Variants in SBF2 observed in about 807,000 individuals in gnomAD.
SBF2 encodes myotubularin-related protein 13.
In SBF2, 112 loss-of-function variants were observed where a neutral mutation model predicts 225.2. The observed-to-expected ratio is 0.50, with a 90% CI of 0.43 to 0.58. SBF2 has a LOEUF of 0.58. Among genes scored for constraint, SBF2 ranks in the 20% least tolerant of loss-of-function variants. The probability of loss-of-function intolerance (pLI) is 0.00; values close to 1 mark genes in which losing one functional copy is unlikely to be tolerated. For missense variants in SBF2, 1,996 were observed against 2,206.2 expected (o/e 0.90, Z 1.91); for synonymous variants, 763 against 773.3 (o/e 0.99, Z 0.22).
intron 2 of SBF2, among the ~76,000 whole-genome samples, chr11:10,046,001 A>G (rs570622557): frequency 1.3e-5 from 2 of 152,356 alleles, no homozygotes; most frequent in African/African-American, 4.8e-5. Context: ...CTATAAAAAT[A>G]GCATATATAA....
intron 2 of SBF2, among the ~76,000 whole-genome samples, chr11:10,166,691 G>A (rs1278091275): frequency 6.6e-6 from 1 of 152,124 alleles, no homozygotes; most frequent in African/African-American, 2.4e-5. Context: ...AGCTGGGCAT[G>A]GTGGCTCATT....
At chr11:10,281,348 G>A (rs1339680937) in intron 1 of SBF2, among the ~76,000 whole-genome samples, 1 of 151,982 alleles carries the variant, frequency 6.6e-6, no homozygotes, top group East Asian at 1.9e-4. Context: ...GCCAGTCTTA[G>A]GAAAAAGAAA....
intron 2 of SBF2, among the ~76,000 whole-genome samples, chr11:10,155,404 T>TA (rs35989364): frequency 0.47 from 72,027 of 151,940 alleles, 17,663 homozygotes; most frequent in Non-Finnish European, 0.54. Flanking sequence ...AACAAACTCA[T>TA]AAGTATGAGG....
chr11:10,294,345 AGTGGGCGGTCGGGCGTGTTCCCG>A (rs1964393132), upstream of SBF2: 1 of 327,692 alleles, frequency 3.1e-6, no homozygotes, highest in Admixed American at 4.9e-5. Flanking sequence ...GCGCTGGGGG[AGTGGGCGGTCGGGCGTGTTCCCG>A]CCACGCGCCG....
At chr11:10,160,313 C>G (rs946685204) in intron 2 of SBF2, among the ~76,000 whole-genome samples, 6 of 152,156 alleles carry the variant, frequency 3.9e-5, no homozygotes, top group African/African-American at 1.4e-4. Context: ...CAAACTATAC[C>G]TTTTTCTATA....
intron 2 of SBF2, among the ~76,000 whole-genome samples, chr11:10,187,201 TA>T (rs1243847104): frequency 6.6e-6 from 1 of 152,196 alleles, no homozygotes; most frequent in East Asian, 1.9e-4. Flanking sequence ...TACTGCTGCC[TA>T]AGAAGACCCT....
chr11:9,792,479 A>ATTAC (rs1298332968), intron 33 of SBF2, among the ~76,000 whole-genome samples: 1 of 151,972 alleles, frequency 6.6e-6, no homozygotes, highest in Non-Finnish European at 1.5e-5. Flanking sequence ...AGTGGTTGAG[A>ATTAC]TTACTTACTC....
At chr11:10,166,469 A>C (rs1288756179) in intron 2 of SBF2, among the ~76,000 whole-genome samples, 1 of 152,188 alleles carries the variant, frequency 6.6e-6, no homozygotes, top group Admixed American at 6.6e-5. Flanking sequence ...AGGGACCACA[A>C]GAGAAACCAT....
chr11:9,911,720 T>C (rs1369532400), intron 16 of SBF2, among the ~76,000 whole-genome samples: 1 of 152,210 alleles, frequency 6.6e-6, no homozygotes, highest in Non-Finnish European at 1.5e-5. Flanking sequence ...ACGGTAATTG[T>C]CCTATACAGG....
Position 9,974,960 on chromosome 11 carries a change from C to CAAAAAAAAAAAAAAAAAAAAAAAAAAAA in SBF2, c.1396-6443_1396-6416dup, listed in dbSNP as rs1166081188. Among the ~76,000 whole-genome samples, 16 of 23,266 alleles carry CAAAAAAAAAAAAAAAAAAAAAAAAAAAA rather than the reference C, an allele frequency of 6.9e-4. 6 individuals carry two copies. Among genetic ancestry groups the CAAAAAAAAAAAAAAAAAAAAAAAAAAAA allele is most frequent in the Non-Finnish European group, 1.3e-3 (14 of 11,166 alleles). The allele number at this position is 23,266 out of a possible 152,430, so 15.3% of individuals were successfully genotyped here. ...GGGCAACAACAGCGAAACTTTGACTCAAAAAAAAAAAAAAAAAAAAAAAAA... is the reference window on the plus strand; with the variant it reads ...GGGCAACAACAGCGAAACTTTGACTCAAAAAAAAAAAAAAAAAAAAAAAAAAAAAAAAAAAAAAAAAAAAAAAAAAAAA... On this transcript the variant is annotated intron_variant, in intron 13 of 39. Transcript: ENST00000256190.
At chr11:9,956,679 T>C (rs533144102) in intron 16 of SBF2, 1 of 152,078 alleles carries the variant, frequency 6.6e-6, no homozygotes, top group Non-Finnish European at 1.5e-5. Context: ...CATACTGTAC[T>C]TGGCGATTAG....
intron 16 of SBF2, among the ~76,000 whole-genome samples, chr11:9,908,707 G>T (rs1862322708): frequency 6.6e-6 from 1 of 152,222 alleles, no homozygotes; most frequent in African/African-American, 2.4e-5. Context: ...TGTTGTTGTT[G>T]TTTTAGAAAG....
intron 2 of SBF2, among the ~76,000 whole-genome samples, chr11:10,056,978 C>G (rs115582181): frequency 0.014 from 2,136 of 152,134 alleles, 52 homozygotes; most frequent in African/African-American, 0.048. Context: ...TGGGACCTCC[C>G]AAAAAGGGTC....
chr11:9,857,984 GA>G (rs1415946623), intron 18 of SBF2, among the ~76,000 whole-genome samples: 1 of 152,014 alleles, frequency 6.6e-6, no homozygotes, highest in Non-Finnish European at 1.5e-5. Flanking sequence ...TCATTTCCAG[GA>G]AATTCTTATT....
chr11:10,003,372 CTTTTTTT>C (rs35409690), intron 6 of SBF2, among the ~76,000 whole-genome samples: 1 of 138,764 alleles, frequency 7.2e-6, no homozygotes, highest in Non-Finnish European at 1.6e-5. Context: ...TTTCTTTTTT[CTTTTTTT>C]TTTTTTGAGA....
chr11:9,797,962 G>GT (rs1426755609), intron 32 of SBF2, among the ~76,000 whole-genome samples: 1 of 152,074 alleles, frequency 6.6e-6, no homozygotes, highest in Non-Finnish European at 1.5e-5. Flanking sequence ...GACAGAGTGA[G>GT]ACCCTGTCTC....
chr11:9,953,400 G>A (rs1200424704), intron 16 of SBF2, among the ~76,000 whole-genome samples: 2 of 151,864 alleles, frequency 1.3e-5, no homozygotes, highest in East Asian at 1.9e-4. Context: ...CCGAGATCAC[G>A]CCACTGCATT....
At chr11:10,293,994 G>A in intron 1 of SBF2, 21 bp downstream of exon 1, 1 of 1,337,058 alleles carries the variant, frequency 7.5e-7, no homozygotes, top group Admixed American at 3.3e-5. Flanking sequence ...GCCCGGGGGC[G>A]GTGCCGCCCC....
intron 2 of SBF2, among the ~76,000 whole-genome samples, chr11:10,133,450 G>A (rs1417341398): frequency 1.0e-4 from 15 of 147,068 alleles, no homozygotes; most frequent in African/African-American, 3.2e-4. Flanking sequence ...GCCCTGCCCC[G>A]TGGGAGGGCA....
Sources: gnomAD v4.1 joint callset for allele counts (sites outside exome capture counted in the v4.1 genomes callset) on GRCh38, gnomAD v4.1.1 for gene constraint, MANE v1.5 for transcripts, NCBI Gene and HGNC (gene_info 2026-07-23, HGNC 2026-07-21) for gene names.